Variants in TRPC4 observed in about 807,000 individuals in gnomAD.
TRPC4 encodes the protein transient receptor potential cation channel subfamily C member 4.
Under a neutral mutation model 99.4 loss-of-function variants are expected in TRPC4, and 49 were observed. The observed-to-expected ratio is 0.49, with a 90% confidence interval of 0.39 to 0.63. TRPC4 has a LOEUF of 0.63. TRPC4 is among the 20% of genes least tolerant of loss of function. The pLI, the probability that TRPC4 is intolerant of heterozygous loss-of-function variation, is 0.00. For missense variants in TRPC4, 898 were observed against 1,152.9 expected (o/e 0.78, Z 3.20); for synonymous variants, 454 against 425.9 (o/e 1.07, Z -0.81).
In TRPC4 at chr13:37,655,004, T is replaced by C. The variant is rs544814714; in HGVS notation, c.1884+84A>G. The C allele has an allele frequency of 6.4e-5, 70 of 1,101,400 alleles. 2 individuals are homozygous for C. In the South Asian group the frequency reaches 1.8e-3, roughly 29 times the overall value. The allele number at this position is 1,101,400 out of a possible 1,614,324, so 68.2% of individuals were successfully genotyped here. On this transcript the variant is annotated intron_variant, in intron 7 of 10. Transcript: ENST00000379705. ...ATCAATAGCTAATTATAGATTTTAT[T>C]TACGATGATAAGAAGATGGAGTATA...
At chr13:37,843,766 C>T (rs1390674430) in intron 1 of TRPC4, among the ~76,000 whole-genome samples, 1 of 152,040 alleles carries the variant, frequency 6.6e-6, no homozygotes, top group Non-Finnish European at 1.5e-5. Context: ...AATAGGAGTT[C>T]TCCAGCTTCA....
At chr13:37,751,408 G>A (rs78194064) in intron 2 of TRPC4, among the ~76,000 whole-genome samples, 3 of 151,708 alleles carry the variant, frequency 2.0e-5, no homozygotes, top group African/African-American at 4.8e-5. Flanking sequence ...GAGAGAGAGA[G>A]AGAAAGAAAG....
At chr13:37,804,867 T>C (rs1208351427) in intron 1 of TRPC4, among the ~76,000 whole-genome samples, 1 of 152,028 alleles carries the variant, frequency 6.6e-6, no homozygotes, top group Non-Finnish European at 1.5e-5. Context: ...TAAAGACACA[T>C]AAAAGATAAT....
intron 3 of TRPC4, among the ~76,000 whole-genome samples, chr13:37,709,241 G>A (rs1041857941): frequency 3.9e-5 from 6 of 151,928 alleles, no homozygotes; most frequent in Non-Finnish European, 8.8e-5. Context: ...CATTATCTAA[G>A]AGGTAATGAT....
intron 1 of TRPC4, among the ~76,000 whole-genome samples, chr13:37,790,803 G>A (rs1402695280): frequency 3.3e-5 from 5 of 152,008 alleles, no homozygotes; most frequent in Non-Finnish European, 5.9e-5. Flanking sequence ...CTTCTTTACC[G>A]TTGCAAGTTC....
rs961875172 is a variant in TRPC4 at position 37,787,672 on chromosome 13, T to A, written c.-27-4312A>T. 1.9e-4 allele frequency among the ~76,000 whole-genome samples: 29 copies of A among 152,068 alleles called. 1 individual carries two copies. Among genetic ancestry groups the A allele is most frequent in the Admixed American group, 6.6e-5 (1 of 15,228 alleles). The stretch of plus-strand genomic sequence containing the variant: ...TTGTTTTCATGATGTCAAAGTGCAA[T>A]GAACTACTAAATTTCTTTGAGAAGT... On this transcript the variant is annotated intron_variant, in intron 1 of 10. Transcript: ENST00000379705.
intron 1 of TRPC4, among the ~76,000 whole-genome samples, chr13:37,853,544 G>T (rs926141573): frequency 6.6e-6 from 1 of 152,098 alleles, no homozygotes; most frequent in Admixed American, 6.6e-5. Flanking sequence ...TCAAGAATAT[G>T]CAGGAAAATA....
intron 3 of TRPC4, among the ~76,000 whole-genome samples, chr13:37,723,261 C>T (rs528458086): frequency 4.9e-4 from 74 of 152,024 alleles, no homozygotes; most frequent in African/African-American, 1.7e-3. Context: ...AAAAAACATA[C>T]AAAAAATCTA....
chr13:37,712,427 C>A (rs1954516371), intron 3 of TRPC4, among the ~76,000 whole-genome samples: 1 of 152,170 alleles, frequency 6.6e-6, no homozygotes, highest in Admixed American at 6.6e-5. Context: ...ACTTTGGAAG[C>A]AGATAGCCCT....
chr13:37,753,584 A>G (rs1274846459), intron 2 of TRPC4, among the ~76,000 whole-genome samples: 1 of 125,728 alleles, frequency 8.0e-6, no homozygotes, highest in Non-Finnish European at 1.8e-5. Context: ...AAAGAGAGAG[A>G]GAGAGAGAGA....
chr13:37,725,319 G>T (rs574924140), intron 3 of TRPC4, among the ~76,000 whole-genome samples: 91 of 152,124 alleles, frequency 6.0e-4, no homozygotes, highest in African/African-American at 2.1e-3. Flanking sequence ...GAGAATATTT[G>T]AGGAAATAAT....
chr13:37,767,832 C>A (rs11147670), intron 2 of TRPC4, among the ~76,000 whole-genome samples: 56,860 of 150,982 alleles, frequency 0.38, 12,452 homozygotes, highest in Non-Finnish European at 0.51. Flanking sequence ...CTAGGATGTA[C>A]ATAGAATTAT....
chr13:37,715,988 T>C (rs912556456), intron 3 of TRPC4, among the ~76,000 whole-genome samples: 1 of 152,202 alleles, frequency 6.6e-6, no homozygotes, highest in African/African-American at 2.4e-5. Flanking sequence ...AGCCAAGGCG[T>C]ACACATAGGC....
Position 37,713,543 on chromosome 13 carries a change from T to C in TRPC4, c.898-21208A>G, listed in dbSNP as rs562948303. Reference sequence around the variant, plus strand: ...CCAACATAGTCCCTTCAAAGAAAGATAGCTGTTTCCACTGTCTGTCTTCCA... The same window carrying C: ...CCAACATAGTCCCTTCAAAGAAAGACAGCTGTTTCCACTGTCTGTCTTCCA... On this transcript the variant is annotated intron_variant, in intron 3 of 10. Coordinates refer to ENST00000379705, the MANE Select transcript of TRPC4 (RefSeq NM_016179.4). 1.1e-4 allele frequency among the ~76,000 whole-genome samples: 16 copies of C among 152,300 alleles called. No homozygotes were observed. The East Asian group carries it at 1.4e-3, about 13-fold the overall frequency.
intron 1 of TRPC4, among the ~76,000 whole-genome samples, chr13:37,817,132 C>T (rs542920996): frequency 2.6e-4 from 39 of 152,180 alleles, no homozygotes; most frequent in African/African-American, 9.1e-4. Context: ...TCCATAGTCT[C>T]AGCACAAAAG....
intron 2 of TRPC4, among the ~76,000 whole-genome samples, chr13:37,751,711 T>C (rs1360729143): frequency 6.6e-6 from 1 of 151,914 alleles, no homozygotes; most frequent in Non-Finnish European, 1.5e-5. Context: ...ATTTACTGAG[T>C]CTATTGTCTG....
intron 3 of TRPC4, among the ~76,000 whole-genome samples, chr13:37,697,028 G>A (rs1482962192): frequency 3.3e-5 from 5 of 150,726 alleles, no homozygotes; most frequent in African/African-American, 9.8e-5. Flanking sequence ...CTCTGGTCGT[G>A]CTCTTCATTA....
At chr13:37,779,117 G>T (rs904474249) in intron 2 of TRPC4, among the ~76,000 whole-genome samples, 4 of 152,036 alleles carry the variant, frequency 2.6e-5, no homozygotes, top group Admixed American at 1.3e-4. Context: ...AAATTGAAAA[G>T]CAAGGTCTGC....
intron 1 of TRPC4, among the ~76,000 whole-genome samples, chr13:37,819,017 A>G (rs1957940736): frequency 6.6e-6 from 1 of 152,022 alleles, no homozygotes. Flanking sequence ...ATAATAGGAA[A>G]AGGTTATGAA....
Sources: gnomAD v4.1 joint callset for allele counts (sites outside exome capture counted in the v4.1 genomes callset) on GRCh38, gnomAD v4.1.1 for gene constraint, MANE v1.5 for transcripts, NCBI Gene and HGNC (gene_info 2026-07-23, HGNC 2026-07-21) for gene names.